The following RUNX1 variants were observed in gnomAD, a reference collection of about 807,000 sequenced individuals.
RUNX1 encodes the protein runt-related transcription factor 1.
Under a neutral mutation model 42.8 loss-of-function variants are expected in RUNX1, and 19 were observed. That is an observed-to-expected ratio of 0.44 (90% confidence interval 0.31 to 0.65). The LOEUF (loss-of-function observed/expected upper bound fraction) is 0.65. RUNX1 is among the 30% of genes least tolerant of loss of function. The pLI is 0.07. For missense variants in RUNX1, 528 were observed against 672.0 expected, an observed-to-expected ratio of 0.79 and a Z score of 2.37; for synonymous variants, 271 against 289.4, an observed-to-expected ratio of 0.94 and a Z score of 0.64.
intron 2 of RUNX1, among the ~76,000 whole-genome samples, chr21:35,025,155 T>C (rs1249916627): frequency 6.6e-6 from 1 of 152,238 alleles, no homozygotes; most frequent in African/African-American, 2.4e-5. Flanking sequence ...GTGTAAATTC[T>C]GAAATATATG....
chr21:34,924,905 A>T (rs928013346), intron 2 of RUNX1, among the ~76,000 whole-genome samples: 1 of 151,712 alleles, frequency 6.6e-6, no homozygotes, highest in East Asian at 1.9e-4. Context: ...TGTATGTGTG[A>T]GAGAGAGGAG....
At chr21:34,857,689 C>T (rs1453712434) in intron 6 of RUNX1, among the ~76,000 whole-genome samples, 1 of 152,154 alleles carries the variant, frequency 6.6e-6, no homozygotes, top group Non-Finnish European at 1.5e-5. Context: ...GCCTCCCTCC[C>T]AGCCAGGCCC....
Position 34,880,623 on chromosome 21 carries a change from T to C in RUNX1, c.442A>G (p.Thr148Ala), listed in dbSNP as rs1264896287. The change falls in exon 5 of 9, where the codon ACC becomes GCC. Residue 148 changes from threonine to alanine, a missense_variant. Transcript: ENST00000675419. ...GCAACCTGGTTCTTCATGGCTGCGG[T>C]AGCATTTCTCAGCTCAGCCGAGTAG... is the stretch of plus-strand genomic sequence containing the variant. Reference protein sequence around the residue: ...ENYSAELRNATAAMKNQVARF... With the variant: ...ENYSAELRNAAAAMKNQVARF... 2.5e-6 allele frequency: 4 copies of C among 1,613,942 alleles called. No individual in the cohort carries two copies. The highest frequency in any genetic ancestry group is 3.4e-6 in the Non-Finnish European group (4 of 1,179,992).
At chr21:34,821,493 G>T (rs745887248) in intron 7 of RUNX1, 4 of 1,460,486 alleles carry the variant, frequency 2.7e-6, no homozygotes, top group Admixed American at 4.3e-5. Flanking sequence ...TTGTTACGAC[G>T]GTTTGCAGAG....
chr21:34,827,458 CA>C (rs762216029), intron 7 of RUNX1, among the ~76,000 whole-genome samples: 18 of 152,180 alleles, frequency 1.2e-4, no homozygotes, highest in Non-Finnish European at 2.5e-4. Context: ...TGTGGCCAAG[CA>C]ACCATTTGCC....
At chr21:34,972,607 T>A (rs1336691995) in intron 2 of RUNX1, among the ~76,000 whole-genome samples, 1 of 152,220 alleles carries the variant, frequency 6.6e-6, no homozygotes, top group Admixed American at 6.5e-5. Flanking sequence ...GTGAATCTTA[T>A]CATAAAATAA....
At chr21:34,957,454 C>T (rs940350531) in intron 2 of RUNX1, among the ~76,000 whole-genome samples, 1 of 152,118 alleles carries the variant, frequency 6.6e-6, no homozygotes, top group Non-Finnish European at 1.5e-5. Context: ...AACGAGGTGG[C>T]CCCCTGAGAG....
chr21:34,792,761 A>C lies in RUNX1; in HGVS notation c.968-151T>G. On this transcript the variant is annotated intron_variant, in intron 8 of 8. Coordinates refer to ENST00000675419, the MANE Select transcript of RUNX1 (RefSeq NM_001754.5). The surrounding 1 kb of genome is among the most constrained non-coding windows in gnomAD (Gnocchi z 6.9). Reference sequence around the variant, plus strand: ...GCTACTGCTGGGGAGGACGGGGACCACCCGGGATGCTACTCCCAAGAGGAC... The same window carrying C: ...GCTACTGCTGGGGAGGACGGGGACCCCCCGGGATGCTACTCCCAAGAGGAC... The C allele has an allele frequency of 1.3e-6, 1 of 758,092 alleles. No homozygotes were observed. Among genetic ancestry groups the C allele is most frequent in the Admixed American group, 2.9e-5 (1 of 34,664 alleles). 47.0% of individuals were successfully genotyped at this position (758,092 alleles called of 1,614,324 possible).
At chr21:34,842,778 T>C (rs1243521890) in intron 6 of RUNX1, among the ~76,000 whole-genome samples, 1 of 151,692 alleles carries the variant, frequency 6.6e-6, no homozygotes, top group African/African-American at 2.4e-5. Context: ...CATAAAAACA[T>C]ACAGATGCAG....
At chr21:34,976,307 T>G (rs981111997) in intron 2 of RUNX1, among the ~76,000 whole-genome samples, 1 of 152,170 alleles carries the variant, frequency 6.6e-6, no homozygotes, top group Non-Finnish European at 1.5e-5. Flanking sequence ...TTGAAAAATT[T>G]CCTCAAATAT....
rs191316737 is a variant in RUNX1 at position 34,909,355 on chromosome 21, G to C, written c.59-16392C>G. On this transcript the variant is annotated intron_variant, in intron 2 of 8. Coordinates refer to ENST00000675419, the MANE Select transcript of RUNX1 (RefSeq NM_001754.5). The stretch of plus-strand genomic sequence containing the variant: ...TTATATCTTTTAAATGTGGAAAACA[G>C]AGAGAATCCACTTGGAGCACATCAG... Among the ~76,000 whole-genome samples, 9 of 152,286 alleles carry C rather than the reference G, an allele frequency of 5.9e-5. No homozygotes were observed. The East Asian group carries it at 1.7e-3, about 29-fold the overall frequency.
At chr21:35,005,926 G>A (rs193286760) in intron 2 of RUNX1, among the ~76,000 whole-genome samples, 8 of 152,196 alleles carry the variant, frequency 5.3e-5, no homozygotes, top group African/African-American at 1.2e-4. Flanking sequence ...GATGTGTGGC[G>A]ACCAGTACGT....
At position 34,790,621 on chromosome 21, in the gene RUNX1, A is replaced by T. The variant is rs2056422050; in HGVS notation, c.*1514T>A. On this transcript the variant is annotated 3_prime_UTR_variant, in exon 9 of 9. Coordinates refer to ENST00000675419, the MANE Select transcript of RUNX1 (RefSeq NM_001754.5). ...TCCTGTCACACTGGTGCACAGGTAA[A>T]AGCCCATATACCCCATAGGGTAGGG... The T allele has an allele frequency of 4.3e-6, 1 of 233,312 alleles. No homozygotes were observed. Among genetic ancestry groups the T allele is most frequent in the East Asian group, 6.0e-5 (1 of 16,594 alleles). 14.5% of individuals were successfully genotyped at this position (233,312 alleles called of 1,614,324 possible).
intron 2 of RUNX1, among the ~76,000 whole-genome samples, chr21:34,943,155 A>T (rs1339181235): frequency 6.6e-6 from 1 of 152,194 alleles, no homozygotes; most frequent in Admixed American, 6.5e-5. Flanking sequence ...AACAAGCACA[A>T]ATGCTTCAGT....
intron 2 of RUNX1, among the ~76,000 whole-genome samples, chr21:34,997,972 C>T (rs1047775584): frequency 2.6e-5 from 4 of 152,096 alleles, no homozygotes; most frequent in South Asian, 2.1e-4. Flanking sequence ...TTGGGCTGAG[C>T]GTATGGTCAC....
At chr21:34,910,319 C>G (rs1423164051) in intron 2 of RUNX1, among the ~76,000 whole-genome samples, 1 of 152,144 alleles carries the variant, frequency 6.6e-6, no homozygotes, top group African/African-American at 2.4e-5. Context: ...CTCCCAGGTC[C>G]TATTTTTCTC....
At chr21:35,047,660 T>G (rs925817312) in intron 2 of RUNX1, among the ~76,000 whole-genome samples, 17 of 151,628 alleles carry the variant, frequency 1.1e-4, no homozygotes, top group African/African-American at 3.4e-4. Context: ...CAATAGCATT[T>G]GCTGTGATAA....
intron 2 of RUNX1, among the ~76,000 whole-genome samples, chr21:35,007,778 C>G (rs1350490247): frequency 1.3e-5 from 2 of 152,098 alleles, no homozygotes; most frequent in East Asian, 3.9e-4. Flanking sequence ...GTTTCAACAT[C>G]CTCCAAGCTG....
intron 2 of RUNX1, among the ~76,000 whole-genome samples, chr21:34,995,037 C>T (rs1393923128): frequency 2.6e-5 from 4 of 152,226 alleles, no homozygotes; most frequent in African/African-American, 9.6e-5. Context: ...CGCATGGACA[C>T]CCGTGGCATT....
Sources: gnomAD v4.1 joint callset for allele counts (sites outside exome capture counted in the v4.1 genomes callset) on GRCh38, gnomAD v4.1.1 for gene constraint, Gnocchi (gnomAD v3.1) non-coding constraint, MANE v1.5 for transcripts, NCBI Gene and HGNC (gene_info 2026-07-23, HGNC 2026-07-21) for gene names.